KCTD1: variants seen among roughly 807,000 people sequenced by gnomAD.
KCTD1 encodes the protein potassium channel tetramerization domain containing 1.
Under a neutral mutation model 66.0 loss-of-function variants are expected in KCTD1, and 24 were observed. The ratio of observed to expected loss-of-function variants is 0.36; its 90% CI spans 0.26 to 0.51. The LOEUF (loss-of-function observed/expected upper bound fraction) is 0.51. KCTD1 is among the 20% of genes least tolerant of loss of function. KCTD1 has a pLI of 0.95. For missense variants in KCTD1, 943 were observed against 1,205.2 expected, an observed-to-expected ratio of 0.78 and a Z score of 3.22; for synonymous variants, 511 against 517.2, an observed-to-expected ratio of 0.99 and a Z score of 0.16.
intron 1 of KCTD1, among the ~76,000 whole-genome samples, chr18:26,571,917 A>G (rs1986116401): frequency 6.6e-6 from 1 of 152,198 alleles, no homozygotes. Flanking sequence ...GTAGAAGTCA[A>G]GAAGAACAAA....
intron 1 of KCTD1, among the ~76,000 whole-genome samples, chr18:26,564,025 T>C (rs1985923595): frequency 6.6e-6 from 1 of 152,124 alleles, no homozygotes; most frequent in East Asian, 1.9e-4. Flanking sequence ...GGGGCTTTTT[T>C]TTTTTTGTAT....
chr18:26,480,680 C>G lies in KCTD1; in HGVS notation c.1989-4021G>C, dbSNP rs7226410. On this transcript the variant is annotated intron_variant, in intron 2 of 4. Transcript: ENST00000580059. ...CAACTCGGGAGGTTGAGGCAGAGAA[C>G]TGCCTGAACCCGGGAGATGGAGGTT... is the stretch of plus-strand genomic sequence containing the variant. Among the ~76,000 whole-genome samples the G allele has an allele frequency of 3.7e-3, 571 of 152,288 alleles. 4 individuals are homozygous for G. Among genetic ancestry groups the G allele is most frequent in the African/African-American group, 0.013 (543 of 41,546 alleles).
chr18:26,554,554 A>T (rs1985660443), intron 1 of KCTD1, among the ~76,000 whole-genome samples: 1 of 152,220 alleles, frequency 6.6e-6, no homozygotes, highest in South Asian at 2.1e-4. Flanking sequence ...CCAGACTAGA[A>T]AGAGGCACTT....
At chr18:26,529,502 A>C (rs1436383078) in intron 1 of KCTD1, among the ~76,000 whole-genome samples, 1 of 152,184 alleles carries the variant, frequency 6.6e-6, no homozygotes, top group East Asian at 1.9e-4. Context: ...CACATCTCTT[A>C]GTCCAAAATC....
At chr18:26,608,814 A>G (rs926515556) in intron 1 of KCTD1, among the ~76,000 whole-genome samples, 1 of 152,220 alleles carries the variant, frequency 6.6e-6, no homozygotes, top group African/African-American at 2.4e-5. Context: ...GCAAGTTCTG[A>G]TTTCATCAGA....
intron 1 of KCTD1, among the ~76,000 whole-genome samples, chr18:26,647,375 C>T (rs540420747): frequency 3.5e-4 from 50 of 144,760 alleles, no homozygotes; most frequent in Non-Finnish European, 5.6e-4. Context: ...TAGCTGGGTG[C>T]GGTGGCAGGT....
At chr18:26,549,712 C>T, upstream of KCTD1, 2 of 985,424 alleles carry the variant, frequency 2.0e-6, no homozygotes, top group Non-Finnish European at 2.4e-6. Context: ...CAATTCGGAT[C>T]CGGAGCGCAC....
upstream of KCTD1, among the ~76,000 whole-genome samples, chr18:26,641,125 A>G (rs114457381): frequency 0.033 from 5,017 of 152,034 alleles, 113 homozygotes; most frequent in African/African-American, 0.061. Context: ...GTGTGTATGT[A>G]AGGCCTGTTT....
intron 1 of KCTD1, among the ~76,000 whole-genome samples, chr18:26,505,475 G>A (rs1982987131): frequency 6.6e-6 from 1 of 152,250 alleles, no homozygotes; most frequent in Non-Finnish European, 1.5e-5. Flanking sequence ...GAACCCGGGA[G>A]AGGAACCCTT....
chr18:26,548,865 G>A (rs1985416278), upstream of KCTD1: 3 of 1,008,844 alleles, frequency 3.0e-6, no homozygotes, highest in East Asian at 2.0e-4. Context: ...AGAGCTGTCG[G>A]TGGGGGCGAA....
At chr18:26,480,040 A>ATTTTT (rs199551482) in intron 2 of KCTD1, among the ~76,000 whole-genome samples, 5,200 of 138,896 alleles carry the variant, frequency 0.037, 298 homozygotes, top group East Asian at 0.29. Flanking sequence ...TGGTTTTGGA[A>ATTTTT]TTTTTTTTTT....
intron 3 of KCTD1, among the ~76,000 whole-genome samples, chr18:26,461,156 G>C (rs1980401903): frequency 6.6e-6 from 1 of 152,186 alleles, no homozygotes; most frequent in African/African-American, 2.4e-5. Flanking sequence ...TTTTTATTTT[G>C]CACTTTGCTC....
At chr18:26,499,838 T>C (rs1401471115) in intron 2 of KCTD1, among the ~76,000 whole-genome samples, 2 of 152,202 alleles carry the variant, frequency 1.3e-5, no homozygotes, top group African/African-American at 4.8e-5. Context: ...TTTCCCGACA[T>C]TACCCTACAT....
chr18:26,613,031 T>G (rs1987170394), intron 1 of KCTD1, among the ~76,000 whole-genome samples: 1 of 152,166 alleles, frequency 6.6e-6, no homozygotes, highest in Admixed American at 6.5e-5. Context: ...ATGTTTCAGT[T>G]TGCCAATGGG....
At chr18:26,495,542 T>G (rs189086980) in intron 2 of KCTD1, among the ~76,000 whole-genome samples, 2 of 152,254 alleles carry the variant, frequency 1.3e-5, no homozygotes, top group Admixed American at 6.5e-5. Context: ...AGGCTGAAAG[T>G]AGAGTTTCTT....
intron 1 of KCTD1, among the ~76,000 whole-genome samples, chr18:26,508,842 T>A (rs2144707301): frequency 6.6e-6 from 1 of 152,274 alleles, no homozygotes; most frequent in Middle Eastern, 3.4e-3. Context: ...TAGGCAAGGA[T>A]CTTGCTTCCT....
chr18:26,570,191 A>AAAAAAAAATAT (rs776923644), intron 1 of KCTD1, among the ~76,000 whole-genome samples: 6 of 132,544 alleles, frequency 4.5e-5, no homozygotes, highest in African/African-American at 1.6e-4. Flanking sequence ...ATCTAAAAAA[A>AAAAAAAAATAT]ATATATATAT....
chr18:26,548,927 G>A, upstream of KCTD1: 5 of 988,392 alleles, frequency 5.1e-6, no homozygotes, highest in Non-Finnish European at 6.0e-6. Flanking sequence ...GGGCGGGAGA[G>A]AGGGAGGGCC....
chr18:26,516,689 C>T (rs950576871), intron 1 of KCTD1, among the ~76,000 whole-genome samples: 1 of 152,222 alleles, frequency 6.6e-6, no homozygotes, highest in East Asian at 1.9e-4. Context: ...CAACTCCCCA[C>T]AGTACTTCAT....
Sources: allele counts gnomAD v4.1 joint callset (sites outside exome capture counted in the v4.1 genomes callset), GRCh38; gene constraint gnomAD v4.1.1; transcripts MANE v1.5; gene names NCBI Gene and HGNC (gene_info 2026-07-23, HGNC 2026-07-21).